GANC: variants seen among roughly 807,000 people sequenced by gnomAD.
The protein encoded by GANC is neutral alpha-glucosidase C.
A neutral mutation model predicts 124.2 loss-of-function variants in GANC; 117 were observed. The ratio of observed to expected loss-of-function variants is 0.94; its 90% CI spans 0.81 to 1.10. GANC has a LOEUF of 1.10. Ranked by LOEUF, GANC falls within the 50% of genes least tolerant of loss-of-function variation. The pLI, the probability that GANC is intolerant of heterozygous loss-of-function variation, is 0.00. For missense variants in GANC, 1,140 were observed against 1,095.0 expected (o/e 1.04, Z -0.58); for synonymous variants, 377 against 376.8 (o/e 1.00, Z -0.01).
In GANC at chr15:42,278,489, A is replaced by C; in HGVS notation, c.100A>C (p.Lys34Gln). The part of the protein sequence containing the change: ...CNKIAFYRRQ[K>Q]QWLSKKSTYQ... ...CATACTCCGTATCTATAGGCGTCAG[A>C]AACAGTGGCTTTCCAAGAAGTCCAC... The change falls in exon 3 of 24, where the codon AAA (lysine) becomes CAA (glutamine). Residue 34 changes from lysine to glutamine, a missense_variant. Lys to Gln is a moderately conservative substitution (Grantham distance 53). Coordinates refer to ENST00000318010, the MANE Select transcript of GANC (RefSeq NM_198141.3). 1 of 1,608,592 alleles carries C rather than the reference A, an allele frequency of 6.2e-7. No homozygotes were observed.
At chr15:42,296,497 A>G (rs1005558492) in intron 5 of GANC, among the ~76,000 whole-genome samples, 4 of 152,068 alleles carry the variant, frequency 2.6e-5, no homozygotes, top group African/African-American at 9.7e-5. Flanking sequence ...GGTTCAAGCA[A>G]TTCTCCTGCC....
At chr15:42,311,267 A>G (rs2052047080) in intron 10 of GANC, among the ~76,000 whole-genome samples, 1 of 152,230 alleles carries the variant, frequency 6.6e-6, no homozygotes, top group Admixed American at 6.5e-5. Flanking sequence ...TTTCACCACT[A>G]TTATTCAACA....
At chr15:42,299,427 G>A (rs2051924139) in intron 6 of GANC, among the ~76,000 whole-genome samples, 1 of 152,172 alleles carries the variant, frequency 6.6e-6, no homozygotes, top group African/African-American at 2.4e-5. Context: ...GATCGTGGTG[G>A]ATAAATTTTT....
intron 3 of GANC, among the ~76,000 whole-genome samples, chr15:42,281,491 T>C (rs2051733763): frequency 6.6e-6 from 1 of 151,760 alleles, no homozygotes; most frequent in Non-Finnish European, 1.5e-5. Flanking sequence ...TGAGACCAGC[T>C]ATGGCCAACA....
chr15:42,348,535 C>G (rs1236855817), intron 21 of GANC, among the ~76,000 whole-genome samples: 1 of 152,176 alleles, frequency 6.6e-6, no homozygotes, highest in African/African-American at 2.4e-5. Flanking sequence ...AGCCCTGAAA[C>G]CCAGTCTCCC....
chr15:42,301,783 A>G (rs1326438562), intron 6 of GANC, among the ~76,000 whole-genome samples: 2 of 152,200 alleles, frequency 1.3e-5, no homozygotes, highest in South Asian at 2.1e-4. Context: ...CAAAGCTGCT[A>G]TAGCCAGACT....
Position 42,338,637 on chromosome 15 carries a change from G to A in GANC, c.1843+147G>A, listed in dbSNP as rs189646260. The A allele has an allele frequency of 1.3e-4, 82 of 654,406 alleles. No homozygotes were observed. In the East Asian group the frequency reaches 2.1e-3, roughly 16 times the overall value. The allele number at this position is 654,406 out of a possible 1,614,324, so 40.5% of individuals were successfully genotyped here. A position where few individuals can be genotyped will look rare whatever the true frequency, so the allele number is the denominator to read the frequency against. ...AAAATGTGAGAAAGTGAAGAGGAGC[G>A]GATTAGAGAGGAGAGTGAAAGGCAT... is the stretch of plus-strand genomic sequence containing the variant. On this transcript the variant is annotated intron_variant, in intron 16 of 23. Coordinates refer to ENST00000318010, the MANE Select transcript of GANC (RefSeq NM_198141.3).
intron 11 of GANC, among the ~76,000 whole-genome samples, chr15:42,325,150 G>A (rs1272514548): frequency 1.3e-5 from 2 of 151,838 alleles, no homozygotes; most frequent in Non-Finnish European, 2.9e-5. Context: ...GCGGGCACCT[G>A]TAATCCCAGC....
At chr15:42,307,521 CT>C (rs2052010098) in intron 7 of GANC, among the ~76,000 whole-genome samples, 1 of 152,010 alleles carries the variant, frequency 6.6e-6, no homozygotes, top group Admixed American at 6.6e-5. Flanking sequence ...TTTTCACCTT[CT>C]CTGTAGCATC....
At chr15:42,303,525 C>T (rs867202328) in intron 6 of GANC, among the ~76,000 whole-genome samples, 29 of 151,988 alleles carry the variant, frequency 1.9e-4, no homozygotes, top group East Asian at 1.7e-3. Flanking sequence ...TAAATGTAAA[C>T]GGGCTAAATA....
chr15:42,309,011 A>G (rs1472111627), intron 8 of GANC, among the ~76,000 whole-genome samples: 1 of 152,196 alleles, frequency 6.6e-6, no homozygotes, highest in African/African-American at 2.4e-5. Flanking sequence ...TTTTACCAAA[A>G]TGGGAGAGTG....
chr15:42,309,626 A>C (rs1028900948), intron 8 of GANC, among the ~76,000 whole-genome samples: 2 of 151,518 alleles, frequency 1.3e-5, no homozygotes, highest in Non-Finnish European at 2.9e-5. Context: ...GCCTGGACAC[A>C]ATTCTTTTAA....
At chr15:42,327,797 C>A (rs963848101) in intron 13 of GANC, among the ~76,000 whole-genome samples, 3 of 152,052 alleles carry the variant, frequency 2.0e-5, no homozygotes, top group African/African-American at 7.2e-5. Context: ...AAATATCTTA[C>A]AACGTATTTG....
chr15:42,323,498 A>T (rs1439126210), intron 11 of GANC, among the ~76,000 whole-genome samples: 4 of 115,862 alleles, frequency 3.5e-5, no homozygotes, highest in Non-Finnish European at 7.7e-5. Flanking sequence ...TTATTTATTT[A>T]TTTTTTATTT....
At chr15:42,281,877 GA>G (rs2051737351) in intron 3 of GANC, among the ~76,000 whole-genome samples, 2 of 152,178 alleles carry the variant, frequency 1.3e-5, no homozygotes, top group South Asian at 4.2e-4. Flanking sequence ...AAAGTCTTGA[GA>G]AACGGTCTCT....
chr15:42,343,224 A>G (rs2052340664), intron 19 of GANC, 70 bp downstream of exon 19: 3 of 1,356,886 alleles, frequency 2.2e-6, no homozygotes, highest in African/African-American at 2.9e-5. Flanking sequence ...TTTAGGAAAG[A>G]GATTTCTTCA....
chr15:42,314,174 A>C, intron 10 of GANC: 1 of 761,716 alleles, frequency 1.3e-6, no homozygotes, highest in Non-Finnish European at 2.4e-6. Context: ...TGGATATGGG[A>C]TTGGACAAGT....
intron 11 of GANC, among the ~76,000 whole-genome samples, chr15:42,325,208 G>A (rs2052188823): frequency 6.6e-6 from 1 of 152,164 alleles, no homozygotes; most frequent in African/African-American, 2.4e-5. Flanking sequence ...AGGAGGCGGA[G>A]GTTGCAATGA....
chr15:42,327,418 T>A lies in GANC; in HGVS notation c.1476T>A (p.Ser492Arg). 6.2e-7 allele frequency: 1 copy of A among 1,613,602 alleles called. No individual in the cohort carries two copies. Among genetic ancestry groups the A allele is most frequent in the Non-Finnish European group, 8.5e-7 (1 of 1,179,662 alleles). Residue 492 changes from serine (S) to arginine (R), a missense_variant, in exon 13 of 24, where the codon AGT becomes AGA. Coordinates refer to ENST00000318010, the MANE Select transcript of GANC (RefSeq NM_198141.3). ...CCAAGGTCAGAGAGTGGTATTCAAG[T>A]CTTTTTGCTTTCCCTGTTTATCAGG... is the stretch of plus-strand genomic sequence containing the variant. ...TNPKVREWYS[S>R]LFAFPVYQGS...
Sources: gnomAD v4.1 joint callset for allele counts (sites outside exome capture counted in the v4.1 genomes callset) on GRCh38, gnomAD v4.1.1 for gene constraint, MANE v1.5 for transcripts, NCBI Gene and HGNC (gene_info 2026-07-23, HGNC 2026-07-21) for gene names.